The following NRG3 variants were observed in gnomAD, a reference collection of about 807,000 sequenced individuals.
The protein encoded by NRG3 is neuregulin 3.
NRG3 carries 31 observed loss-of-function variants against 66.9 expected under a neutral mutation model. That is an observed-to-expected ratio of 0.46 (90% CI 0.35 to 0.63). NRG3 has a LOEUF of 0.63. Among genes scored for constraint, NRG3 ranks in the 20% least tolerant of loss-of-function variants. The pLI, the probability that NRG3 is intolerant of heterozygous loss-of-function variation, is 0.00. For missense variants in NRG3, 910 were observed against 878.9 expected (o/e 1.04, Z -0.45); for synonymous variants, 393 against 359.4 (o/e 1.09, Z -1.06).
At chr10:82,131,061 T>C (rs1390328512) in intron 1 of NRG3, among the ~76,000 whole-genome samples, 1 of 152,212 alleles carries the variant, frequency 6.6e-6, no homozygotes, top group Non-Finnish European at 1.5e-5. Flanking sequence ...ATCTTCTTTG[T>C]CTATTTTTGC....
intron 2 of NRG3, among the ~76,000 whole-genome samples, chr10:82,655,938 T>C (rs1279304271): frequency 6.6e-6 from 1 of 152,190 alleles, no homozygotes; most frequent in African/African-American, 2.4e-5. Context: ...CATATGACCT[T>C]GTATTAGTTT....
In NRG3 at chr10:82,616,832, T is replaced by C. The variant is rs370900153; in HGVS notation, c.954-121745T>C. Among the ~76,000 whole-genome samples the C allele has an allele frequency of 7.9e-5, 12 of 152,328 alleles. No homozygotes were observed. In the South Asian group the frequency reaches 1.5e-3, roughly 18 times the overall value. On this transcript the variant is annotated intron_variant, in intron 2 of 8. Transcript: ENST00000372141. ...AAGAAGGACACTGATTTTCAATTAATAGTCTCTGGCCCAAACCCTCTATTA... is the reference window on the plus strand; with the variant it reads ...AAGAAGGACACTGATTTTCAATTAACAGTCTCTGGCCCAAACCCTCTATTA...
chr10:82,948,959 G>T (rs1248305628), intron 4 of NRG3, among the ~76,000 whole-genome samples: 1 of 152,148 alleles, frequency 6.6e-6, no homozygotes, highest in Non-Finnish European at 1.5e-5. Flanking sequence ...CAGAAGGTAT[G>T]AGAGTGGATA....
chr10:82,859,488 T>C (rs572144472), intron 3 of NRG3, among the ~76,000 whole-genome samples: 4 of 152,154 alleles, frequency 2.6e-5, no homozygotes, highest in African/African-American at 7.2e-5. Flanking sequence ...ATCCTGAGAT[T>C]GGAATCAAGG....
At chr10:82,012,539 C>G (rs1311302584) in intron 1 of NRG3, among the ~76,000 whole-genome samples, 3 of 152,182 alleles carry the variant, frequency 2.0e-5, no homozygotes, top group African/African-American at 7.2e-5. Context: ...ATCACATTGT[C>G]AGGCAGCAAA....
intron 1 of NRG3, among the ~76,000 whole-genome samples, chr10:82,294,520 C>G (rs549781503): frequency 6.6e-6 from 1 of 151,986 alleles, no homozygotes; most frequent in African/African-American, 2.4e-5. Context: ...CACCTGCCAC[C>G]TCCGTATTGT....
chr10:82,314,682 C>T (rs905027947), intron 1 of NRG3, among the ~76,000 whole-genome samples: 3 of 151,944 alleles, frequency 2.0e-5, no homozygotes, highest in Admixed American at 6.6e-5. Context: ...TGGTGGCGGG[C>T]GCCTGTAATC....
chr10:82,942,316 G>A (rs1275197668), intron 4 of NRG3, among the ~76,000 whole-genome samples: 4 of 152,078 alleles, frequency 2.6e-5, no homozygotes, highest in East Asian at 3.9e-4. Context: ...ATTTTCTTTC[G>A]GTAGCATTCT....
chr10:82,836,374 T>C (rs1000605935), intron 3 of NRG3, among the ~76,000 whole-genome samples: 1 of 152,166 alleles, frequency 6.6e-6, no homozygotes, highest in Non-Finnish European at 1.5e-5. Context: ...GGGAAAGGTA[T>C]TCTAGAAGTT....
intron 3 of NRG3, among the ~76,000 whole-genome samples, chr10:82,811,710 C>T (rs1354881745): frequency 2.6e-5 from 4 of 152,156 alleles, no homozygotes; most frequent in African/African-American, 9.7e-5. Flanking sequence ...AAACTGTGAA[C>T]ATTAATAGGC....
At chr10:82,262,023 C>T (rs2078056976) in intron 1 of NRG3, among the ~76,000 whole-genome samples, 1 of 152,170 alleles carries the variant, frequency 6.6e-6, no homozygotes, top group African/African-American at 2.4e-5. Flanking sequence ...TCCCCCTTTG[C>T]CTTCCACCAT....
intron 2 of NRG3, among the ~76,000 whole-genome samples, chr10:82,559,428 AC>A (rs1175361210): frequency 6.6e-6 from 1 of 152,180 alleles, no homozygotes; most frequent in East Asian, 1.9e-4. Context: ...GATTCATTGA[AC>A]CAAACTCACC....
chr10:82,175,683 T>C (rs974281095), intron 1 of NRG3, among the ~76,000 whole-genome samples: 1 of 152,174 alleles, frequency 6.6e-6, no homozygotes, highest in South Asian at 2.1e-4. Context: ...CATATCTTTC[T>C]CCCTAATTGG....
At chr10:82,258,393 G>A (rs2077848354) in intron 1 of NRG3, among the ~76,000 whole-genome samples, 1 of 152,066 alleles carries the variant, frequency 6.6e-6, no homozygotes, top group South Asian at 2.1e-4. Flanking sequence ...TTTTGCCAGA[G>A]ATATGGCATA....
intron 2 of NRG3, among the ~76,000 whole-genome samples, chr10:82,600,984 C>T (rs2047591520): frequency 6.6e-6 from 1 of 152,068 alleles, no homozygotes; most frequent in Admixed American, 6.6e-5. Flanking sequence ...CTGTTGTTCC[C>T]ATCTTTATGT....
rs575602370 is a variant in NRG3 at position 82,038,553 on chromosome 10, T to C, written c.823+162390T>C. Among the ~76,000 whole-genome samples, 10 of 152,290 alleles carry C rather than the reference T, an allele frequency of 6.6e-5. No homozygotes were observed. The South Asian group carries it at 2.1e-3, about 32-fold the overall frequency. On this transcript the variant is annotated intron_variant, in intron 1 of 8. Coordinates refer to ENST00000372141, the MANE Select transcript of NRG3 (RefSeq NM_001010848.4). ...AAGTCACAACCCATGAGTTTTGTTT[T>C]GTTTTTTCTTCAAAGAGCCATTCAA...
At chr10:82,076,819 C>G (rs910807084) in intron 1 of NRG3, among the ~76,000 whole-genome samples, 1 of 152,206 alleles carries the variant, frequency 6.6e-6, no homozygotes, top group African/African-American at 2.4e-5. Context: ...AACCGTCAGT[C>G]AAGCAAACCT....
At chr10:82,172,747 AAC>A (rs2072726792) in intron 1 of NRG3, among the ~76,000 whole-genome samples, 1 of 152,086 alleles carries the variant, frequency 6.6e-6, no homozygotes, top group Non-Finnish European at 1.5e-5. Context: ...ATAAGATTGA[AAC>A]ACAGAGGTCT....
At chr10:82,390,344 G>GT (rs2086271156) in intron 2 of NRG3, among the ~76,000 whole-genome samples, 1 of 134,246 alleles carries the variant, frequency 7.4e-6, no homozygotes, top group South Asian at 2.4e-4. Flanking sequence ...GTTTTTTTGT[G>GT]GGGGGGCTGG....
Sources: allele counts gnomAD v4.1 joint callset (sites outside exome capture counted in the v4.1 genomes callset), GRCh38; gene constraint gnomAD v4.1.1; transcripts MANE v1.5; gene names NCBI Gene and HGNC (gene_info 2026-07-23, HGNC 2026-07-21).